Variants in LRBA observed in about 807,000 individuals in gnomAD.
LRBA encodes lipopolysaccharide-responsive and beige-like anchor protein.
A neutral mutation model predicts 330.0 loss-of-function variants in LRBA; 176 were observed. The ratio of observed to expected loss-of-function variants is 0.53; its 90% CI spans 0.47 to 0.60. The LOEUF (loss-of-function observed/expected upper bound fraction) is 0.60. Ranked by LOEUF, LRBA falls within the 20% of genes least tolerant of loss-of-function variation. The pLI, the probability that LRBA is intolerant of heterozygous loss-of-function variation, is 0.00. For missense variants in LRBA, 3,259 were observed against 3,444.8 expected, an observed-to-expected ratio of 0.95 and a Z score of 1.35; for synonymous variants, 1,230 against 1,193.0, an observed-to-expected ratio of 1.03 and a Z score of -0.64.
intron 40 of LRBA, among the ~76,000 whole-genome samples, chr4:150,561,088 C>A (rs536320190): frequency 2.0e-5 from 3 of 152,280 alleles, no homozygotes; most frequent in African/African-American, 7.2e-5. Context: ...ATAATTCTTT[C>A]TGAGAACATT....
At chr4:150,841,278 A>G (rs977943189) in intron 28 of LRBA, among the ~76,000 whole-genome samples, 3 of 152,216 alleles carry the variant, frequency 2.0e-5, no homozygotes, top group African/African-American at 7.2e-5. Flanking sequence ...AATATGTTCA[A>G]TGTTTACTAA....
chr4:150,504,033 G>A (rs1029118139), intron 40 of LRBA, among the ~76,000 whole-genome samples: 1 of 152,134 alleles, frequency 6.6e-6, no homozygotes, highest in Non-Finnish European at 1.5e-5. Flanking sequence ...AAGAAGAGAA[G>A]TTTAGAGAAA....
chr4:150,387,411 T>A (rs976729185), intron 47 of LRBA, among the ~76,000 whole-genome samples: 2 of 152,180 alleles, frequency 1.3e-5, no homozygotes, highest in African/African-American at 2.4e-5. Context: ...AAAATAAGAT[T>A]TACCAAGCAC....
intron 40 of LRBA, among the ~76,000 whole-genome samples, chr4:150,509,299 T>A (rs1761541479): frequency 6.6e-6 from 1 of 151,820 alleles, no homozygotes; most frequent in Non-Finnish European, 1.5e-5. Flanking sequence ...CACATCTAAA[T>A]AACCTATGAG....
chr4:150,775,579 T>G (rs1737189230), intron 34 of LRBA, among the ~76,000 whole-genome samples: 2 of 151,732 alleles, frequency 1.3e-5, no homozygotes, highest in South Asian at 4.2e-4. Flanking sequence ...AAAAGCTTCC[T>G]ATAGATCTAA....
At chr4:150,447,699 A>C (rs1752785234) in intron 44 of LRBA, among the ~76,000 whole-genome samples, 1 of 152,212 alleles carries the variant, frequency 6.6e-6, no homozygotes, top group South Asian at 2.1e-4. Context: ...TCAAGATACC[A>C]CATCAAGAGG....
intron 37 of LRBA, among the ~76,000 whole-genome samples, chr4:150,653,930 C>A (rs1298466097): frequency 6.6e-6 from 1 of 152,008 alleles, no homozygotes; most frequent in Non-Finnish European, 1.5e-5. Context: ...TTCAGAGTAA[C>A]AATAGCAATA....
At position 150,981,140 on chromosome 4, in the gene LRBA, G is replaced by A. The variant is rs576449587; in HGVS notation, c.216+33287C>T. ...AAAAAAAAAAAAACATTAGCTCGGC[G>A]CAGTGGCTCACGCCTGTAATCCCAG... On this transcript the variant is annotated intron_variant, in intron 2 of 56. Coordinates refer to ENST00000651943, the MANE Select transcript of LRBA (RefSeq NM_001364905.1). Among the ~76,000 whole-genome samples, 55 of 151,548 alleles carry A rather than the reference G, an allele frequency of 3.6e-4. 1 individual carries two copies. The highest frequency in any genetic ancestry group is 1.2e-3 in the African/African-American group (49 of 41,356).
At chr4:150,669,048 T>C (rs981937921) in intron 37 of LRBA, among the ~76,000 whole-genome samples, 3 of 152,190 alleles carry the variant, frequency 2.0e-5, no homozygotes, top group Admixed American at 2.0e-4. Context: ...TTCTCAATCC[T>C]GGCTGCAAAT....
At chr4:150,389,044 T>G (rs1408004959) in intron 47 of LRBA, among the ~76,000 whole-genome samples, 1 of 152,138 alleles carries the variant, frequency 6.6e-6, no homozygotes, top group Non-Finnish European at 1.5e-5. Flanking sequence ...CTATTAGCAT[T>G]CATGGTTCAA....
intron 52 of LRBA, among the ~76,000 whole-genome samples, chr4:150,308,951 TAC>T (rs778111644): frequency 1.5e-4 from 23 of 152,260 alleles, no homozygotes; most frequent in Non-Finnish European, 2.8e-4. Flanking sequence ...AGTCTAAGTG[TAC>T]AGAGTTTTAT....
At chr4:150,486,298 C>T (rs1456622219) in intron 42 of LRBA, among the ~76,000 whole-genome samples, 1 of 151,790 alleles carries the variant, frequency 6.6e-6, no homozygotes, top group Non-Finnish European at 1.5e-5. Flanking sequence ...CTAGGTAGCA[C>T]ATAAATGAGT....
At chr4:150,985,602 C>T (rs1029090202) in intron 2 of LRBA, among the ~76,000 whole-genome samples, 3 of 151,770 alleles carry the variant, frequency 2.0e-5, no homozygotes, top group East Asian at 1.9e-4. Flanking sequence ...GGGTTCACGC[C>T]GTTCTCCTGC....
At chr4:150,768,631 G>C (rs1736105127) in intron 34 of LRBA, among the ~76,000 whole-genome samples, 2 of 152,056 alleles carry the variant, frequency 1.3e-5, no homozygotes, top group African/African-American at 2.4e-5. Context: ...AAATAACAAA[G>C]GGAACTCATG....
chr4:150,687,759 C>A (rs1011317545), intron 36 of LRBA, among the ~76,000 whole-genome samples: 1 of 152,018 alleles, frequency 6.6e-6, no homozygotes, highest in Non-Finnish European at 1.5e-5. Flanking sequence ...GATGTCATAG[C>A]TCTACCTAAT....
At chr4:150,705,430 A>G (rs1785521103) in intron 36 of LRBA, among the ~76,000 whole-genome samples, 1 of 152,200 alleles carries the variant, frequency 6.6e-6, no homozygotes, top group East Asian at 1.9e-4. Flanking sequence ...GGTAATTCCA[A>G]TGCTACCCAC....
At chr4:150,956,685 A>C (rs2149556466) in intron 2 of LRBA, among the ~76,000 whole-genome samples, 1 of 149,502 alleles carries the variant, frequency 6.7e-6, no homozygotes, top group South Asian at 2.1e-4. Flanking sequence ...CACTATGACT[A>C]AATGAGATTT....
chr4:150,460,737 T>G (rs1754674794), intron 44 of LRBA, among the ~76,000 whole-genome samples: 1 of 151,896 alleles, frequency 6.6e-6, no homozygotes, highest in South Asian at 2.1e-4. Context: ...ACAGCTCATT[T>G]TGTGGTTACA....
chr4:150,660,503 G>T (rs1430339589), intron 37 of LRBA, among the ~76,000 whole-genome samples: 3 of 151,480 alleles, frequency 2.0e-5, no homozygotes, highest in Non-Finnish European at 4.4e-5. Flanking sequence ...CCCCCCGCCC[G>T]GCCAGCCGCC....
Sources: allele counts gnomAD v4.1 joint callset (sites outside exome capture counted in the v4.1 genomes callset), GRCh38; gene constraint gnomAD v4.1.1; transcripts MANE v1.5; gene names NCBI Gene and HGNC (gene_info 2026-07-23, HGNC 2026-07-21).